Variants in TENT2 observed in about 807,000 individuals in gnomAD.
TENT2 encodes poly(A) RNA polymerase GLD2.
TENT2 carries 44 observed loss-of-function variants against 72.2 expected under a neutral mutation model. That is an observed-to-expected ratio of 0.61 (90% confidence interval 0.48 to 0.78). TENT2 has a LOEUF of 0.78. TENT2 is among the 30% of genes least tolerant of loss of function. The probability of loss-of-function intolerance (pLI) is 0.00; values close to 1 mark genes in which losing one functional copy is unlikely to be tolerated. For missense variants in TENT2, 541 were observed against 569.6 expected (o/e 0.95, Z 0.51); for synonymous variants, 212 against 192.5 (o/e 1.10, Z -0.84).
rs1005346352 is a variant in TENT2, at chr5:79,622,155, G to A, written c.228-1097G>A. 2.1e-4 allele frequency among the ~76,000 whole-genome samples: 32 copies of A among 152,210 alleles called. No homozygotes were observed. The Middle Eastern group carries it at 0.017, about 81-fold the overall frequency. On this transcript the variant is annotated intron_variant, in intron 3 of 14. Coordinates refer to ENST00000453514, the MANE Select transcript of TENT2 (RefSeq NM_001114394.3). ...ATCTCGACTAAAAACACAAAAATTA[G>A]CTGAGCATCGTGGCGGGCGCCTGTA...
At chr5:79,626,705 TC>T (rs1770325057) in intron 4 of TENT2, among the ~76,000 whole-genome samples, 1 of 150,660 alleles carries the variant, frequency 6.6e-6, no homozygotes, top group Non-Finnish European at 1.5e-5. Flanking sequence ...CAAGTGATAC[TC>T]CCTCATTGGC....
At chr5:79,655,849 A>G (rs1797582699) in intron 10 of TENT2, among the ~76,000 whole-genome samples, 1 of 151,830 alleles carries the variant, frequency 6.6e-6, no homozygotes, top group South Asian at 2.1e-4. Flanking sequence ...ATGAAATGTG[A>G]TACATAAAGG....
chr5:79,636,118 C>T (rs1035219209), intron 4 of TENT2, among the ~76,000 whole-genome samples: 1 of 152,120 alleles, frequency 6.6e-6, no homozygotes, highest in Non-Finnish European at 1.5e-5. Context: ...GTCAGTAAAA[C>T]TTAATCCTTC....
chr5:79,658,740 A>G (rs1799764098), intron 11 of TENT2, among the ~76,000 whole-genome samples: 1 of 152,216 alleles, frequency 6.6e-6, no homozygotes, highest in Non-Finnish European at 1.5e-5. Flanking sequence ...AGCTCTTTTT[A>G]CTAATATAGG....
chr5:79,661,316 A>G (rs184947522), intron 11 of TENT2, among the ~76,000 whole-genome samples: 22 of 152,268 alleles, frequency 1.4e-4, no homozygotes, highest in Admixed American at 5.9e-4. Flanking sequence ...AGCCCCACTC[A>G]TGGTAAGGGT....
chr5:79,619,193 A>C (rs1762814153), intron 1 of TENT2, among the ~76,000 whole-genome samples: 1 of 152,170 alleles, frequency 6.6e-6, no homozygotes, highest in Admixed American at 6.5e-5. Context: ...TCCATTCCTT[A>C]TTTGATCAGA....
At chr5:79,648,904 A>ACCTT in intron 9 of TENT2, 158 bp from the exon 10 acceptor site, 2 of 917,342 alleles carry the variant, frequency 2.2e-6, no homozygotes, top group Non-Finnish European at 3.2e-6. Context: ...AAAGGTAACT[A>ACCTT]AGGTAAGTTT....
At position 79,623,456 on chromosome 5, in the gene TENT2, T is replaced by G. The variant is rs1766755544; in HGVS notation, c.432T>G (p.Pro144=). ...PPFREIAFLE[P]REITLPEAKD... is the part of the protein sequence containing the mutation. ...TTCGAGAAATTGCATTTTTAGAACCTAGAGAAATCACACTGCCTGAGGCCA... is the reference window on the plus strand; with the variant it reads ...TTCGAGAAATTGCATTTTTAGAACCGAGAGAAATCACACTGCCTGAGGCCA... Residue 144 remains proline (P), a synonymous_variant, in exon 4 of 15, where the codon CCT becomes CCG. Coordinates refer to ENST00000453514, the MANE Select transcript of TENT2 (RefSeq NM_001114394.3). The G allele has an allele frequency of 6.2e-7, 1 of 1,610,224 alleles. No individual in the cohort carries two copies. The highest frequency in any genetic ancestry group is 1.3e-5 in the African/African-American group (1 of 74,890).
chr5:79,635,834 G>A (rs1223659837), intron 4 of TENT2, among the ~76,000 whole-genome samples: 1 of 152,166 alleles, frequency 6.6e-6, no homozygotes, highest in Non-Finnish European at 1.5e-5. Context: ...AGGATTACAG[G>A]CGTGAGCTAC....
intron 4 of TENT2, among the ~76,000 whole-genome samples, chr5:79,630,246 A>T (rs184249459): frequency 1.6e-4 from 24 of 152,308 alleles, no homozygotes; most frequent in Admixed American, 8.5e-4. Flanking sequence ...AAAGCCTCTT[A>T]GAGGAGGCAG....
intron 4 of TENT2, among the ~76,000 whole-genome samples, chr5:79,636,204 T>C (rs924246726): frequency 6.6e-6 from 1 of 152,178 alleles, no homozygotes; most frequent in African/African-American, 2.4e-5. Context: ...TTGGACACTT[T>C]TCTTTTTAGC....
chr5:79,679,967 A>G (rs931267063), intron 13 of TENT2, among the ~76,000 whole-genome samples: 5 of 152,176 alleles, frequency 3.3e-5, no homozygotes, highest in Non-Finnish European at 4.4e-5. Flanking sequence ...TAGAATCTTT[A>G]TATGTGATTC....
At chr5:79,621,694 C>T (rs945806818) in intron 3 of TENT2, among the ~76,000 whole-genome samples, 3 of 148,946 alleles carry the variant, frequency 2.0e-5, no homozygotes, top group Admixed American at 6.7e-5. Context: ...GGAGGTGGAG[C>T]TTACAGTAAG....
At position 79,685,769 on chromosome 5, in the gene TENT2, C is replaced by G. The variant is rs1463213626; in HGVS notation, c.*496C>G. On this transcript the variant is annotated 3_prime_UTR_variant, in exon 15 of 15. Coordinates refer to ENST00000453514, the MANE Select transcript of TENT2 (RefSeq NM_001114394.3). ...GAAATCTTTCATTTCAGTCAAATCA[C>G]TGCAGTCATGAAATACTGAACAATT... 6.5e-6 allele frequency: 1 copy of G among 154,438 alleles called. No individual in the cohort carries two copies. The highest frequency in any genetic ancestry group is 2.4e-5 in the African/African-American group (1 of 41,476). 9.6% of individuals were successfully genotyped at this position (154,438 alleles called of 1,614,324 possible).
chr5:79,656,698 G>C (rs1798206929), intron 10 of TENT2, among the ~76,000 whole-genome samples: 2 of 151,908 alleles, frequency 1.3e-5, no homozygotes. Flanking sequence ...TTTATTGATA[G>C]CCTATTATTC....
At chr5:79,660,087 A>G (rs1360165801) in intron 11 of TENT2, among the ~76,000 whole-genome samples, 1 of 152,146 alleles carries the variant, frequency 6.6e-6, no homozygotes, top group Non-Finnish European at 1.5e-5. Flanking sequence ...TGTTCAGTAT[A>G]CTATGCTTTT....
At chr5:79,681,886 A>G (rs1321052494) in intron 13 of TENT2, 96 bp from the exon 14 acceptor site, 10 of 994,374 alleles carry the variant, frequency 1.0e-5, no homozygotes, top group Non-Finnish European at 1.5e-5. Context: ...TTTGTAGGTT[A>G]AAAACTGTTA....
chr5:79,656,948 C>A lies in TENT2; in HGVS notation c.1028-10C>A, dbSNP rs1798380079. 7 of 1,594,954 alleles carry A rather than the reference C, an allele frequency of 4.4e-6. No homozygotes were observed. The Admixed American group carries it at 6.9e-5, about 16-fold the overall frequency. ...GAATCACGGAAGCTTTAAACTTTTT[C>A]TTTTTATAGCCCTACCTGAACCCAT... On this transcript the variant is annotated splice_polypyrimidine_tract_variant and intron_variant, in intron 10 of 14. Transcript: ENST00000453514.
rs59372008 is a variant in TENT2 at position 79,659,558 on chromosome 5, AT to A, written c.1071+2558del. 9.3e-3 allele frequency among the ~76,000 whole-genome samples: 484 copies of A among 52,258 alleles called. 27 individuals are homozygous for A. The highest frequency in any genetic ancestry group is 0.046 in the African/African-American group (442 of 9,672). 34.3% of individuals were successfully genotyped at this position (52,258 alleles called of 152,430 possible). On this transcript the variant is annotated intron_variant, in intron 11 of 14. Coordinates refer to ENST00000453514, the MANE Select transcript of TENT2 (RefSeq NM_001114394.3). ...AAAAAAAAAAAAAAAAAAAAAATGT[AT>A]ATATATATATATATATATATATATA...
Sources: allele counts gnomAD v4.1 joint callset (sites outside exome capture counted in the v4.1 genomes callset), GRCh38; gene constraint gnomAD v4.1.1; transcripts MANE v1.5; gene names NCBI Gene and HGNC (gene_info 2026-07-23, HGNC 2026-07-21).